The following SH2D3C variants were observed in gnomAD, a reference collection of about 807,000 sequenced individuals.
SH2D3C encodes the protein SH2 domain containing 3C.
A neutral mutation model predicts 75.2 loss-of-function variants in SH2D3C; 25 were observed. That is an observed-to-expected ratio of 0.33 (90% CI 0.24 to 0.46). The LOEUF (loss-of-function observed/expected upper bound fraction) is 0.46, where lower values mean the gene tolerates loss of function less well. Among genes scored for constraint, SH2D3C ranks in the 20% least tolerant of loss-of-function variants. The pLI, the probability that SH2D3C is intolerant of heterozygous loss-of-function variation, is 1.00. For missense variants in SH2D3C, 933 were observed against 1,165.3 expected, an observed-to-expected ratio of 0.80 and a Z score of 2.90; for synonymous variants, 450 against 473.7, an observed-to-expected ratio of 0.95 and a Z score of 0.65.
chr9:127,749,277 C>T lies in SH2D3C; in HGVS notation c.1073G>A (p.Arg358His), dbSNP rs373936140. The change falls in exon 5 of 12, where the codon CGC becomes CAC. Residue 358 changes from arginine to histidine, a missense_variant. Coordinates refer to ENST00000314830, the MANE Select transcript of SH2D3C (RefSeq NM_170600.3). The surrounding 1 kb of genome is among the most constrained non-coding windows in gnomAD (Gnocchi z 5.9). ...SGPKGSHMKR[R>H]SVTMTDGLTA... ...GAGCCCATCGGTCATGGTGACGCTG[C>T]GCCGCTTCATGTGGCTGCCCTTGGG... 2.5e-6 allele frequency: 4 copies of T among 1,605,540 alleles called. No individual in the cohort carries two copies. Among genetic ancestry groups the T allele is most frequent in the Non-Finnish European group, 3.4e-6 (4 of 1,175,654 alleles).
chr9:127,754,995 T>C lies in SH2D3C; in HGVS notation c.556-3695A>G. The C allele has an allele frequency of 3.1e-6, 2 of 641,998 alleles. No individual in the cohort carries two copies. Among genetic ancestry groups the C allele is most frequent in the Non-Finnish European group, 4.3e-6 (2 of 465,642 alleles). 39.8% of individuals were successfully genotyped at this position (641,998 alleles called of 1,614,324 possible). ...CTGCCGGGCGCCGCTGAGCTGCAGC[T>C]CCCCGGCTGGCTCTAGGGCCCCGGG... On this transcript the variant is annotated intron_variant, in intron 3 of 11. Transcript: ENST00000314830. This position sits in a 1 kb window ranked among gnomAD's most constrained non-coding sequence, Gnocchi z 4.4.
rs371542007 is a variant in SH2D3C at position 127,747,279 on chromosome 9, G to A, written c.1140-8C>T. ...GGGCGGGGCAGCGACGTACTGTGGA[G>A]CAGACACCATCATGGGCAGGGAGCC... is the stretch of plus-strand genomic sequence containing the variant. On this transcript the variant is annotated splice_region_variant and splice_polypyrimidine_tract_variant and intron_variant, in intron 5 of 11. Transcript: ENST00000314830. 8 of 1,610,846 alleles carry A rather than the reference G, an allele frequency of 5.0e-6. No individual in the cohort carries two copies. The African/African-American group carries it at 8.0e-5, about 16-fold the overall frequency.
At chr9:127,763,640 C>T (rs1462344854) in intron 2 of SH2D3C, among the ~76,000 whole-genome samples, 1 of 152,146 alleles carries the variant, frequency 6.6e-6, no homozygotes, top group Non-Finnish European at 1.5e-5. Context: ...TAAGAAAGGC[C>T]TCAGCCTTCC....
chr9:127,771,368 C>A, intron 2 of SH2D3C: 2 of 1,344,152 alleles, frequency 1.5e-6, no homozygotes, highest in Non-Finnish European at 9.5e-7. Context: ...CCCCCAGACA[C>A]GCCCCTGCGC....
Position 127,738,536 on chromosome 9 carries a change from G to T in SH2D3C, c.*210C>A. On this transcript the variant is annotated 3_prime_UTR_variant, in exon 12 of 12. Coordinates refer to ENST00000314830, the MANE Select transcript of SH2D3C (RefSeq NM_170600.3). This position sits in a 1 kb window ranked among gnomAD's most constrained non-coding sequence, Gnocchi z 5.0. ...AGCTGGTGGGGGAACCGGCGTTCCT[G>T]TTCTTCCTCAATGGAGACCTGGTGA... is the stretch of plus-strand genomic sequence containing the variant. 1 of 429,210 alleles carries T rather than the reference G, an allele frequency of 2.3e-6. No individual in the cohort carries two copies. Among genetic ancestry groups the T allele is most frequent in the Non-Finnish European group, 4.0e-6 (1 of 248,310 alleles). 26.6% of individuals were successfully genotyped at this position (429,210 alleles called of 1,614,324 possible). A position where few individuals can be genotyped will look rare whatever the true frequency, so the allele number is the denominator to read the frequency against.
chr9:127,776,612 C>T (rs150713558), intron 1 of SH2D3C, among the ~76,000 whole-genome samples: 5 of 152,232 alleles, frequency 3.3e-5, no homozygotes, highest in Non-Finnish European at 5.9e-5. Context: ...GGTAAAACTC[C>T]GGCATTTTCC....
At chr9:127,753,786 AC>A (rs981349397) in intron 3 of SH2D3C, among the ~76,000 whole-genome samples, 3 of 152,220 alleles carry the variant, frequency 2.0e-5, no homozygotes, top group African/African-American at 7.2e-5. Context: ...GTCCTCCTTG[AC>A]AAAGGGCATG....
intron 3 of SH2D3C, among the ~76,000 whole-genome samples, chr9:127,753,736 GTC>G (rs1564417378): frequency 2.6e-5 from 4 of 152,204 alleles, no homozygotes; most frequent in Non-Finnish European, 5.9e-5. Context: ...GAGAGTGGGC[GTC>G]ACAGGGAAAA....
intron 1 of SH2D3C, among the ~76,000 whole-genome samples, chr9:127,776,408 C>G (rs537538079): frequency 6.6e-6 from 1 of 151,858 alleles, no homozygotes; most frequent in Admixed American, 6.6e-5. Flanking sequence ...GCCTGAGGGT[C>G]GCACTGTCTG....
At chr9:127,755,251 C>T (rs1845343684) in intron 3 of SH2D3C, 1 of 1,021,992 alleles carries the variant, frequency 9.8e-7, no homozygotes, top group African/African-American at 1.7e-5. Context: ...GCACCGGCTG[C>T]GCGTGCCTCT....
chr9:127,739,879 G>A lies in SH2D3C; in HGVS notation c.2210C>T (p.Pro737Leu), dbSNP rs771018053. 2.5e-5 allele frequency: 38 copies of A among 1,529,102 alleles called. No homozygotes were observed. The highest frequency in any genetic ancestry group is 6.0e-5 in the South Asian group (5 of 82,650). The allele number at this position is 1,529,102 out of a possible 1,614,324, so 94.7% of individuals were successfully genotyped here. The change falls in exon 11 of 12, where the codon CCG becomes CTG. Residue 737 changes from proline (P) to leucine (L), a missense_variant. Coordinates refer to ENST00000314830, the MANE Select transcript of SH2D3C (RefSeq NM_170600.3). This position sits in a 1 kb window ranked among gnomAD's most constrained non-coding sequence, Gnocchi z 4.3. ...ATGAGGAAACGTGGTGTTGCTCAGC[G>A]GCGGGCCTTCTGCAAGGAGAAAGGC... The part of the protein sequence containing the change: ...KSLNEGKEGP[P>L]LSNTTFPHVL...
At chr9:127,761,417 C>T (rs1168010026) in intron 3 of SH2D3C, among the ~76,000 whole-genome samples, 194 bp downstream of exon 3, 1 of 152,106 alleles carries the variant, frequency 6.6e-6, no homozygotes, top group Non-Finnish European at 1.5e-5. Flanking sequence ...AGAATAATGG[C>T]TGGTGTAGGA....
chr9:127,742,977 C>G lies in SH2D3C; in HGVS notation c.1801-13G>C. The G allele has an allele frequency of 1.3e-6, 2 of 1,597,332 alleles. No homozygotes were observed. Among genetic ancestry groups the G allele is most frequent in the Non-Finnish European group, 1.7e-6 (2 of 1,165,398 alleles). On this transcript the variant is annotated splice_polypyrimidine_tract_variant and intron_variant, in intron 7 of 11. Transcript: ENST00000314830. Reference sequence around the variant, plus strand: ...GTATCCTAGCAACCTGCAAAGACGCCCAGAGGGCTGATTAATATCCTGTCA... The same window carrying G: ...GTATCCTAGCAACCTGCAAAGACGCGCAGAGGGCTGATTAATATCCTGTCA...
rs1845322780 is a variant in SH2D3C, at chr9:127,754,936, T to C, written c.556-3636A>G. The C allele has an allele frequency of 1.0e-4, 53 of 508,404 alleles. No homozygotes were observed. Among genetic ancestry groups the C allele is most frequent in the South Asian group, 8.7e-4 (53 of 61,144 alleles). The allele number at this position is 508,404 out of a possible 1,614,324, so 31.5% of individuals were successfully genotyped here. ...GTGAGGCTGGGGTGACCCCGCCCCC[T>C]CCCCGGGTCGGCCGGGCCCAGCCCA... is the stretch of plus-strand genomic sequence containing the variant. On this transcript the variant is annotated intron_variant, in intron 3 of 11. Transcript: ENST00000314830. This position sits in a 1 kb window ranked among gnomAD's most constrained non-coding sequence, Gnocchi z 4.4.
intron 6 of SH2D3C, 76 bp from the exon 7 acceptor site, chr9:127,745,175 G>A: frequency 7.9e-7 from 1 of 1,263,126 alleles, no homozygotes; most frequent in Non-Finnish European, 1.1e-6. Flanking sequence ...CCTTCCCAAA[G>A]AACAGGCTCC....
At chr9:127,762,894 T>C (rs1489815284) in intron 2 of SH2D3C, among the ~76,000 whole-genome samples, 1 of 152,166 alleles carries the variant, frequency 6.6e-6, no homozygotes, top group Non-Finnish European at 1.5e-5. Context: ...TTTGTGAGAG[T>C]AAAGACGGTA....
Position 127,757,272 on chromosome 9 carries a change from A to ATTT in SH2D3C, c.555+4336_555+4338dup, listed in dbSNP as rs60217641. On this transcript the variant is annotated intron_variant, in intron 3 of 11. Coordinates refer to ENST00000314830, the MANE Select transcript of SH2D3C (RefSeq NM_170600.3). The stretch of plus-strand genomic sequence containing the variant: ...ATTGATTCCTTTTAACCCTCATTTG[A>ATTT]TTTTTTTTTTTTTTTGAGAGGCAGG... Among the ~76,000 whole-genome samples the ATTT allele has an allele frequency of 2.0e-3, 271 of 138,670 alleles. 1 individual carries two copies. Among genetic ancestry groups the ATTT allele is most frequent in the African/African-American group, 6.6e-3 (245 of 37,066 alleles). 91.0% of individuals were successfully genotyped at this position (138,670 alleles called of 152,430 possible). A position where few individuals can be genotyped will look rare whatever the true frequency, so the allele number is the denominator to read the frequency against.
At chr9:127,757,912 C>T (rs761651269) in intron 3 of SH2D3C, among the ~76,000 whole-genome samples, 93 of 151,726 alleles carry the variant, frequency 6.1e-4, no homozygotes, top group Non-Finnish European at 4.7e-4. Context: ...CCACCCACCT[C>T]GGCCTCCCAA....
intron 5 of SH2D3C, among the ~76,000 whole-genome samples, chr9:127,748,436 C>G (rs1157924644): frequency 6.6e-6 from 1 of 152,240 alleles, no homozygotes; most frequent in Non-Finnish European, 1.5e-5. Context: ...CACAGGACAG[C>G]AGATCTCTTT....
Sources: gnomAD v4.1 joint callset for allele counts (sites outside exome capture counted in the v4.1 genomes callset) on GRCh38, gnomAD v4.1.1 for gene constraint, Gnocchi (gnomAD v3.1) non-coding constraint, MANE v1.5 for transcripts, NCBI Gene and HGNC (gene_info 2026-07-23, HGNC 2026-07-21) for gene names.